ABL1: variants seen among roughly 807,000 people sequenced by gnomAD.
ABL1 encodes the protein tyrosine-protein kinase ABL1.
A neutral mutation model predicts 94.7 loss-of-function variants in ABL1; 11 were observed. That is an observed-to-expected ratio of 0.12 (90% CI 0.07 to 0.19). ABL1 has a LOEUF of 0.19. ABL1 is among the 10% of genes least tolerant of loss of function. The probability of loss-of-function intolerance (pLI) is 1.00; values close to 1 mark genes in which losing one functional copy is unlikely to be tolerated. For synonymous variants in ABL1, 656 were observed against 622.4 expected (o/e 1.05, Z -0.80); for missense variants, 1,082 against 1,489.4 (o/e 0.73, Z 4.50).
chr9:130,726,504 C>T (rs187243941), intron 1 of ABL1, among the ~76,000 whole-genome samples: 1 of 152,310 alleles, frequency 6.6e-6, no homozygotes, highest in Admixed American at 6.5e-5. Flanking sequence ...CTCTGTTTCT[C>T]TCTCACACAC....
intron 3 of ABL1, among the ~76,000 whole-genome samples, chr9:130,856,108 A>G (rs1038469083): frequency 1.3e-5 from 2 of 151,826 alleles, no homozygotes; most frequent in African/African-American, 4.8e-5. Context: ...TTGTTTTGAG[A>G]TGGCATTTTC....
At chr9:130,747,085 T>A (rs961771759) in intron 1 of ABL1, among the ~76,000 whole-genome samples, 1 of 152,134 alleles carries the variant, frequency 6.6e-6, no homozygotes, top group Non-Finnish European at 1.5e-5. Context: ...TCCCTCAGGC[T>A]GGGCACCCCT....
intron 1 of ABL1, among the ~76,000 whole-genome samples, chr9:130,719,604 T>G (rs1179742696): frequency 6.6e-6 from 1 of 152,200 alleles, no homozygotes; most frequent in Non-Finnish European, 1.5e-5. Context: ...CAGATCCCTT[T>G]TTATGAAAGA....
At position 130,806,494 on chromosome 9, in the gene ABL1, T is replaced by A. The variant is rs1564295345; in HGVS notation, c.137-47570T>A. 7.8e-4 allele frequency among the ~76,000 whole-genome samples: 119 copies of A among 152,058 alleles called. 1 individual carries two copies. Among genetic ancestry groups the A allele is most frequent in the Non-Finnish European group, 1.5e-5 (1 of 67,962 alleles). On this transcript the variant is annotated intron_variant, in intron 1 of 10. Transcript: ENST00000372348. ...CCAGCTCTATTTCCTGTGAGGACTT[T>A]AAAAAAAATTGCATTCACACATTTA...
At chr9:130,714,466 T>C in intron 1 of ABL1, 1 of 1,614,176 alleles carries the variant, frequency 6.2e-7, no homozygotes, top group Non-Finnish European at 8.5e-7. Context: ...GTGAGTGCTT[T>C]TCAAAATTTC....
Position 130,885,677 on chromosome 9 carries a change from G to T in ABL1, c.3387G>T (p.Gln1129His). The change falls in exon 11 of 11, where the codon CAG (glutamine) becomes CAT (histidine). Residue 1129 changes from glutamine (Q) to histidine (H), a missense_variant. Physicochemically the swap from Gln to His is conservative, Grantham distance 24. Around this residue, in one of 7 missense-constraint regions of ABL1, gnomAD observed 780 missense variants for 835.8 expected, o/e 0.93. Coordinates refer to ENST00000318560, the MANE Select transcript of ABL1 (RefSeq NM_005157.6). The stretch of plus-strand genomic sequence containing the variant: ...TGAAGGAAATCAGTGACATAGTGCA[G>T]AGGTAGCAGCAGTCAGGGGTCAGGT... The part of the protein sequence containing the change: ...SSVKEISDIV[Q>H]R 6.2e-7 allele frequency: 1 copy of T among 1,609,860 alleles called. No homozygotes were observed. Among genetic ancestry groups the T allele is most frequent in the Non-Finnish European group, 8.5e-7 (1 of 1,177,830 alleles).
At chr9:130,784,215 C>G (rs532718130) in intron 1 of ABL1, among the ~76,000 whole-genome samples, 2 of 152,298 alleles carry the variant, frequency 1.3e-5, no homozygotes, top group Admixed American at 1.3e-4. Flanking sequence ...GCACCTCTTG[C>G]AGTGGCATCT....
chr9:130,727,328 A>G (rs539422160), intron 1 of ABL1, among the ~76,000 whole-genome samples: 1 of 151,764 alleles, frequency 6.6e-6, no homozygotes, highest in South Asian at 2.1e-4. Context: ...GGGCCTCCCA[A>G]AGTGCTGGGA....
chr9:130,727,449 A>G lies in ABL1; in HGVS notation c.136+12994A>G, dbSNP rs1022277267. On this transcript the variant is annotated intron_variant, in intron 1 of 10. Coordinates refer to the ABL1 transcript ENST00000372348. ...TTCGTTTATTTTTTCCTTTAATTCTATCACTTCTTTTACTCTTAAAAGCAT... is the reference window on the plus strand; with the variant it reads ...TTCGTTTATTTTTTCCTTTAATTCTGTCACTTCTTTTACTCTTAAAAGCAT... Among the ~76,000 whole-genome samples the G allele has an allele frequency of 3.9e-5, 6 of 151,988 alleles. No individual in the cohort carries two copies. In the East Asian group the frequency reaches 7.7e-4, roughly 20 times the overall value.
intron 1 of ABL1, among the ~76,000 whole-genome samples, chr9:130,785,758 A>C (rs974047107): frequency 6.6e-6 from 1 of 151,816 alleles, no homozygotes; most frequent in African/African-American, 2.4e-5. Context: ...CCCCGTCTCT[A>C]CTAAAAATAC....
At position 130,862,894 on chromosome 9, in the gene ABL1, T is replaced by C; in HGVS notation, c.681T>C (p.Gly227=). The C allele has an allele frequency of 1.2e-6, 2 of 1,614,030 alleles. No homozygotes were observed. Among genetic ancestry groups the C allele is most frequent in the Non-Finnish European group, 1.7e-6 (2 of 1,180,012 alleles). The change falls in exon 4 of 11, where the codon GGT becomes GGC. Residue 227 remains glycine (G), a synonymous_variant. Coordinates refer to ENST00000318560, the MANE Select transcript of ABL1 (RefSeq NM_005157.6). This position sits in a 1 kb window ranked among gnomAD's most constrained non-coding sequence, Gnocchi z 5.5. ...APKRNKPTVY[G]VSPNYDKWEM... Reference sequence around the variant, plus strand: ...AGCGCAACAAGCCCACTGTCTATGGTGTGTCCCCCAACTACGACAAGTGGG... The same window carrying C: ...AGCGCAACAAGCCCACTGTCTATGGCGTGTCCCCCAACTACGACAAGTGGG...
At chr9:130,838,424 T>A (rs1037003348) in intron 1 of ABL1, among the ~76,000 whole-genome samples, 19 of 152,364 alleles carry the variant, frequency 1.2e-4, no homozygotes, top group African/African-American at 3.4e-4. Context: ...TAATTTTTTT[T>A]AAATGTATAT....
At chr9:130,748,741 T>C (rs1318045936) in intron 1 of ABL1, among the ~76,000 whole-genome samples, 1 of 152,152 alleles carries the variant, frequency 6.6e-6, no homozygotes, top group East Asian at 1.9e-4. Flanking sequence ...GCTGCCCGGC[T>C]AATTTTTGTA....
intron 1 of ABL1, among the ~76,000 whole-genome samples, chr9:130,845,753 C>G (rs1037347136): frequency 1.3e-5 from 2 of 151,280 alleles, no homozygotes; most frequent in African/African-American, 4.9e-5. Flanking sequence ...TTTTAAAAGT[C>G]TTTTGAGGAC....
intron 1 of ABL1, among the ~76,000 whole-genome samples, chr9:130,762,909 C>CA (rs5900905): frequency 0.32 from 29,894 of 92,396 alleles, 4,761 homozygotes; most frequent in East Asian, 0.55. Context: ...GACTCCGTCT[C>CA]AAAAAAAAAA....
intron 4 of ABL1, among the ~76,000 whole-genome samples, chr9:130,871,906 C>T (rs1831256946): frequency 6.6e-6 from 1 of 152,244 alleles, no homozygotes; most frequent in South Asian, 2.1e-4. Flanking sequence ...TGCCCTGTTG[C>T]CTGGGGGAGA....
chr9:130,724,923 C>T (rs1314768930), intron 1 of ABL1: 6 of 373,742 alleles, frequency 1.6e-5, no homozygotes, highest in Admixed American at 8.4e-5. Context: ...CTTCCTCTTG[C>T]GCTTGGCGGG....
At chr9:130,755,440 C>T (rs1832030670) in intron 1 of ABL1, among the ~76,000 whole-genome samples, 1 of 152,150 alleles carries the variant, frequency 6.6e-6, no homozygotes, top group South Asian at 2.1e-4. Context: ...TCAGTAGTAG[C>T]ATTGACAGAA....
intron 1 of ABL1, among the ~76,000 whole-genome samples, chr9:130,851,577 A>AT (rs1026010970): frequency 1.3e-4 from 19 of 150,066 alleles, no homozygotes; most frequent in East Asian, 3.9e-4. Flanking sequence ...TTAAAAGATA[A>AT]TTTTTTTTTT....
Sources: gnomAD v4.1 joint callset for allele counts (sites outside exome capture counted in the v4.1 genomes callset) on GRCh38, gnomAD v4.1.1 for gene constraint, gnomAD v4.1.1 regional missense constraint, Gnocchi (gnomAD v3.1) non-coding constraint, MANE v1.5 for transcripts, NCBI Gene and HGNC (gene_info 2026-07-23, HGNC 2026-07-21) for gene names.